ARHGEF7: variants seen among roughly 807,000 people sequenced by gnomAD.
ARHGEF7 encodes the protein Rho guanine nucleotide exchange factor 7.
A neutral mutation model predicts 109.8 loss-of-function variants in ARHGEF7; 33 were observed. That is an observed-to-expected ratio of 0.30 (90% CI 0.23 to 0.40). The LOEUF (loss-of-function observed/expected upper bound fraction) is 0.40, where lower values mean the gene tolerates loss of function less well. Ranked by LOEUF, ARHGEF7 falls within the 10% of genes least tolerant of loss-of-function variation. The probability of loss-of-function intolerance (pLI) is 1.00; values close to 1 mark genes in which losing one functional copy is unlikely to be tolerated. For missense variants in ARHGEF7, 938 were observed against 1,098.5 expected, an observed-to-expected ratio of 0.85 and a Z score of 2.07; for synonymous variants, 458 against 424.6, an observed-to-expected ratio of 1.08 and a Z score of -0.97.
At chr13:111,205,089 A>G (rs1254420314) in intron 2 of ARHGEF7, among the ~76,000 whole-genome samples, 200 bp from the exon 3 acceptor site, 1 of 151,540 alleles carries the variant, frequency 6.6e-6, no homozygotes, top group Non-Finnish European at 1.5e-5. Context: ...CCGAGGGGGG[A>G]CCCTGCACCT....
intron 19 of ARHGEF7, chr13:111,294,004 A>T: frequency 1.0e-6 from 1 of 985,342 alleles, no homozygotes; most frequent in Non-Finnish European, 1.2e-6. Context: ...GTTAATTCCA[A>T]ATATTTGTTC....
chr13:111,214,757 A>C (rs1159943342), intron 4 of ARHGEF7, among the ~76,000 whole-genome samples: 1 of 152,190 alleles, frequency 6.6e-6, no homozygotes, highest in Non-Finnish European at 1.5e-5. Context: ...CACTGAAGAG[A>C]GGCTTCTTGA....
At chr13:111,198,722 A>G (rs1485925808) in intron 2 of ARHGEF7, among the ~76,000 whole-genome samples, 1 of 152,198 alleles carries the variant, frequency 6.6e-6, no homozygotes, top group African/African-American at 2.4e-5. Context: ...TGTGAAGAGC[A>G]AAAGAACAAA....
chr13:111,272,943 A>T lies in ARHGEF7; in HGVS notation c.1074-871A>T, dbSNP rs919035592. On this transcript the variant is annotated intron_variant, in intron 9 of 21. Coordinates refer to ENST00000646102, the MANE Select transcript of ARHGEF7 (RefSeq NM_001354046.2). The surrounding 1 kb of genome is among the most constrained non-coding windows in gnomAD (Gnocchi z 5.2). ...CGTGTCCTCTGCCACAGCCATGGGAACTCTGAGGACAAAGATGACACACAT... is the reference window on the plus strand; with the variant it reads ...CGTGTCCTCTGCCACAGCCATGGGATCTCTGAGGACAAAGATGACACACAT... Among the ~76,000 whole-genome samples the T allele has an allele frequency of 2.0e-5, 3 of 152,152 alleles. No homozygotes were observed. Among genetic ancestry groups the T allele is most frequent in the African/African-American group, 2.4e-5 (1 of 41,432 alleles).
chr13:111,246,883 AT>A (rs2088946616), intron 8 of ARHGEF7, among the ~76,000 whole-genome samples: 1 of 152,230 alleles, frequency 6.6e-6, no homozygotes, highest in Admixed American at 6.5e-5. Flanking sequence ...TCTGTTGGGC[AT>A]TATATCAGCC....
chr13:111,126,481 C>T (rs2067568530), intron 1 of ARHGEF7, among the ~76,000 whole-genome samples: 1 of 148,614 alleles, frequency 6.7e-6, no homozygotes, highest in Non-Finnish European at 1.5e-5. Context: ...CTGAGCGAGA[C>T]TCCATCTCAA....
intron 5 of ARHGEF7, among the ~76,000 whole-genome samples, chr13:111,221,331 CT>C (rs373014292): frequency 0.54 from 3,948 of 7,266 alleles, 1,778 homozygotes; most frequent in East Asian, 0.84. Flanking sequence ...ATATATATGT[CT>C]ATATATATCT....
At position 111,131,827 on chromosome 13, in the gene ARHGEF7, C is replaced by T. The variant is rs571658160; in HGVS notation, c.165+16136C>T. ...CTAGGACAACTGGCCAGCACACACCCAGAGCCCACATACTGGAGCAATGCA... is the reference window on the plus strand; with the variant it reads ...CTAGGACAACTGGCCAGCACACACCTAGAGCCCACATACTGGAGCAATGCA... On this transcript the variant is annotated intron_variant, in intron 1 of 21. Coordinates refer to ENST00000646102, the MANE Select transcript of ARHGEF7 (RefSeq NM_001354046.2). This position sits in a 1 kb window ranked among gnomAD's most constrained non-coding sequence, Gnocchi z 4.4. 4.6e-5 allele frequency among the ~76,000 whole-genome samples: 7 copies of T among 152,326 alleles called. No individual in the cohort carries two copies. The highest frequency in any genetic ancestry group is 1.4e-4 in the African/African-American group (6 of 41,574).
In ARHGEF7 at chr13:111,244,203, A is replaced by G. The variant is rs754359059; in HGVS notation, c.859A>G (p.Ser287Gly). 2.5e-6 allele frequency: 4 copies of G among 1,596,408 alleles called. No individual in the cohort carries two copies. The South Asian group carries it at 4.5e-5, about 18-fold the overall frequency. The change falls in exon 8 of 22, where the codon AGT (serine) becomes GGT (glycine). Residue 287 changes from serine (S) to glycine (G), a missense_variant. Ser to Gly is a moderately conservative substitution (Grantham distance 56, BLOSUM62 0). Coordinates refer to ENST00000646102, the MANE Select transcript of ARHGEF7 (RefSeq NM_001354046.2). ...TGTTATTTTTCTTGGCTCTAGGTTAAGTTCAGCAAACATTTCATATTTAAT... is the reference window on the plus strand; with the variant it reads ...TGTTATTTTTCTTGGCTCTAGGTTAGGTTCAGCAAACATTTCATATTTAAT... ...LRPLQTSEKL[S>G]SANISYLMGN...
rs745770323 is a variant in ARHGEF7 at position 111,266,904 on chromosome 13, T to A, written c.951-644T>A. On this transcript the variant is annotated intron_variant, in intron 8 of 21. Coordinates refer to ENST00000646102, the MANE Select transcript of ARHGEF7 (RefSeq NM_001354046.2). The surrounding 1 kb of genome is among the most constrained non-coding windows in gnomAD (Gnocchi z 4.8). ...TCTGGAGAGGTGAGCGTGTACCCCGTTAGGCACACCCAACACTGAGGCGGC... is the reference window on the plus strand; with the variant it reads ...TCTGGAGAGGTGAGCGTGTACCCCGATAGGCACACCCAACACTGAGGCGGC... The A allele has an allele frequency of 2.2e-6, 1 of 456,010 alleles. No individual in the cohort carries two copies. The highest frequency in any genetic ancestry group is 1.5e-5 in the South Asian group (1 of 64,552). 28.2% of individuals were successfully genotyped at this position (456,010 alleles called of 1,614,324 possible). A position where few individuals can be genotyped will look rare whatever the true frequency, so the allele number is the denominator to read the frequency against.
chr13:111,190,427 TC>T (rs1471031431), intron 2 of ARHGEF7, among the ~76,000 whole-genome samples: 1 of 152,120 alleles, frequency 6.6e-6, no homozygotes, highest in Non-Finnish European at 1.5e-5. Context: ...TGCAGAGTCC[TC>T]CTTTCTCAGC....
intron 2 of ARHGEF7, among the ~76,000 whole-genome samples, chr13:111,200,705 T>G (rs190589799): frequency 1.3e-5 from 2 of 152,246 alleles, no homozygotes; most frequent in Non-Finnish European, 2.9e-5. Context: ...TTAGTATTGA[T>G]GTCTCAACAC....
chr13:111,165,947 A>G (rs2077090782), intron 2 of ARHGEF7, among the ~76,000 whole-genome samples: 1 of 152,214 alleles, frequency 6.6e-6, no homozygotes. Flanking sequence ...TGGGGAGAAC[A>G]ATGGTGGTAG....
chr13:111,129,011 A>G (rs2074599908), intron 1 of ARHGEF7, among the ~76,000 whole-genome samples: 1 of 152,220 alleles, frequency 6.6e-6, no homozygotes, highest in Non-Finnish European at 1.5e-5. Flanking sequence ...TGCAATAAAG[A>G]TAGAGAAATA....
rs200724782 is a variant in ARHGEF7, at chr13:111,292,282, G to A, written c.2299G>A (p.Gly767Ser). ...SIWTAHSYRM[G>S]STSRSRKESA... is the part of the protein sequence containing the mutation. ...ATGGACAGCCCATAGTTACAGAATGGGTTCTACATCTCGTAAGAGCTGTTG... is the reference window on the plus strand; with the variant it reads ...ATGGACAGCCCATAGTTACAGAATGAGTTCTACATCTCGTAAGAGCTGTTG... The change falls in exon 19 of 22, where the codon GGT (glycine) becomes AGT (serine). Residue 767 changes from glycine (G) to serine (S), a missense_variant. This residue lies in a region of ARHGEF7 where 166 missense variants were observed against 167.3 expected (regional missense o/e 0.99). Transcript: ENST00000646102. The A allele has an allele frequency of 5.0e-6, 8 of 1,614,062 alleles. No homozygotes were observed. Among genetic ancestry groups the A allele is most frequent in the Non-Finnish European group, 5.9e-6 (7 of 1,180,034 alleles).
chr13:111,256,681 A>G lies in ARHGEF7; in HGVS notation c.951-10867A>G, dbSNP rs1170670032. On this transcript the variant is annotated intron_variant, in intron 8 of 21. Coordinates refer to ENST00000646102, the MANE Select transcript of ARHGEF7 (RefSeq NM_001354046.2). ...ATTACCCACCTGTTGATTTCTTTTT[A>G]GAAACCTTTAGTGTATCTTTAACTC... 2.6e-5 allele frequency among the ~76,000 whole-genome samples: 4 copies of G among 152,142 alleles called. No homozygotes were observed. The South Asian group carries it at 8.3e-4, about 31-fold the overall frequency.
chr13:111,283,208 T>A lies in ARHGEF7; in HGVS notation c.1795T>A (p.Tyr599Asn). Residue 599 changes from tyrosine (Y) to asparagine (N), a missense_variant, in exon 16 of 22, where the codon TAC (tyrosine) becomes AAC (asparagine). Transcript: ENST00000646102. Reference sequence around the variant, plus strand: ...CAAGCCCGCGCCGCTGACGCCCGCCTACCACACGCTGCCCCACCCCTCCCA... The same window carrying A: ...CAAGCCCGCGCCGCTGACGCCCGCCAACCACACGCTGCCCCACCCCTCCCA... ...DSKPAPLTPA[Y>N]HTLPHPSHHG... 6.3e-7 allele frequency: 1 copy of A among 1,597,426 alleles called. No individual in the cohort carries two copies.
chr13:111,295,224 G>T (rs934581890), intron 19 of ARHGEF7: 1 of 984,284 alleles, frequency 1.0e-6, no homozygotes, highest in Non-Finnish European at 1.2e-6. Context: ...TTACATGGGG[G>T]AGGGGAATAG....
At chr13:111,289,198 AT>A (rs1399804118) in intron 18 of ARHGEF7, among the ~76,000 whole-genome samples, 29 of 152,010 alleles carry the variant, frequency 1.9e-4, no homozygotes. Context: ...CGCCCGGCTA[AT>A]TTTTTTGTGT....
Sources: gnomAD v4.1 joint callset for allele counts (sites outside exome capture counted in the v4.1 genomes callset) on GRCh38, gnomAD v4.1.1 for gene constraint, gnomAD v4.1.1 regional missense constraint, Gnocchi (gnomAD v3.1) non-coding constraint, MANE v1.5 for transcripts, NCBI Gene and HGNC (gene_info 2026-07-23, HGNC 2026-07-21) for gene names.